The following TTC27 variants were observed in gnomAD, a reference collection of about 807,000 sequenced individuals.
TTC27 encodes the protein tetratricopeptide repeat protein 27.
A neutral mutation model predicts 115.9 loss-of-function variants in TTC27; 79 were observed. That is an observed-to-expected ratio of 0.68 (90% CI 0.57 to 0.82). The LOEUF (loss-of-function observed/expected upper bound fraction) is 0.82, where lower values mean the gene tolerates loss of function less well. Ranked by LOEUF, TTC27 falls within the 40% of genes least tolerant of loss-of-function variation. The pLI is 0.00. For synonymous variants in TTC27, 401 were observed against 356.0 expected (o/e 1.13, Z -1.42); for missense variants, 1,054 against 993.1 (o/e 1.06, Z -0.82).
chr2:32,694,208 G>C (rs1666907719), intron 9 of TTC27, among the ~76,000 whole-genome samples: 1 of 152,162 alleles, frequency 6.6e-6, no homozygotes, highest in South Asian at 2.1e-4. Context: ...TGAATTATAA[G>C]AATTAACAAC....
intron 9 of TTC27, among the ~76,000 whole-genome samples, chr2:32,680,653 T>TAGGGA (rs1666385925): frequency 6.6e-6 from 1 of 152,044 alleles, no homozygotes; most frequent in African/African-American, 2.4e-5. Context: ...GGGACAAGTG[T>TAGGGA]CTAGGTGATG....
At chr2:32,693,400 G>C (rs1572521033) in intron 9 of TTC27, among the ~76,000 whole-genome samples, 1 of 152,344 alleles carries the variant, frequency 6.6e-6, no homozygotes, top group East Asian at 1.9e-4. Flanking sequence ...ACCCTGTTCA[G>C]TCAGAACCTT....
chr2:32,758,780 A>T (rs1289812258), intron 13 of TTC27, among the ~76,000 whole-genome samples: 1 of 152,160 alleles, frequency 6.6e-6, no homozygotes. Context: ...TCCTTAACTG[A>T]CATACAACTA....
chr2:32,739,711 T>A (rs1357753108), intron 12 of TTC27, among the ~76,000 whole-genome samples: 1 of 152,314 alleles, frequency 6.6e-6, no homozygotes, highest in South Asian at 2.1e-4. Flanking sequence ...CCTGTTTTTC[T>A]TATGCTATAT....
chr2:32,778,513 C>T (rs1348460172), intron 14 of TTC27, among the ~76,000 whole-genome samples: 1 of 152,190 alleles, frequency 6.6e-6, no homozygotes. Context: ...ACATCCTCCC[C>T]TTCAGCCCTA....
chr2:32,723,970 G>GTTTTTTTTTTTTTTTTTTTTTT (rs1668025651), intron 10 of TTC27, among the ~76,000 whole-genome samples: 9 of 66,280 alleles, frequency 1.4e-4, no homozygotes, highest in Non-Finnish European at 1.5e-4. Context: ...GCATACATAA[G>GTTTTTTTTTTTTTTTTTTTTTT]CTTTTTTTTT....
chr2:32,679,758 C>T (rs1666351084), intron 9 of TTC27, among the ~76,000 whole-genome samples: 1 of 152,020 alleles, frequency 6.6e-6, no homozygotes, highest in Non-Finnish European at 1.5e-5. Context: ...TTTGAGAGGC[C>T]GAGGCAGGTG....
chr2:32,648,457 T>TA (rs1320414405), intron 4 of TTC27, among the ~76,000 whole-genome samples: 2 of 81,522 alleles, frequency 2.5e-5, no homozygotes, highest in Non-Finnish European at 5.2e-5. Flanking sequence ...TTTTTTTTTT[T>TA]AAAACAGACT....
chr2:32,698,456 A>AT (rs1553552669), intron 9 of TTC27, among the ~76,000 whole-genome samples: 1 of 146,450 alleles, frequency 6.8e-6, no homozygotes, highest in African/African-American at 2.5e-5. Flanking sequence ...TATTATTATT[A>AT]TTTTTTAGCA....
At chr2:32,669,011 G>A (rs769254725) in intron 7 of TTC27, among the ~76,000 whole-genome samples, 41 of 152,126 alleles carry the variant, frequency 2.7e-4, no homozygotes, top group Admixed American at 6.5e-4. Flanking sequence ...CCCGGGAGGC[G>A]GAGCTTGCAG....
At chr2:32,704,817 G>T (rs574511118) in intron 10 of TTC27, 1 of 466,326 alleles carries the variant, frequency 2.1e-6, no homozygotes, top group East Asian at 7.0e-5. Context: ...ATAGAATTTT[G>T]GCTGTCATAT....
chr2:32,641,306 G>T (rs1252817610), intron 4 of TTC27, among the ~76,000 whole-genome samples: 1 of 152,154 alleles, frequency 6.6e-6, no homozygotes, highest in East Asian at 1.9e-4. Context: ...TCTGTGTTGC[G>T]CTATTCAACT....
At chr2:32,644,857 C>T (rs1395069476) in intron 4 of TTC27, among the ~76,000 whole-genome samples, 11 of 62,846 alleles carry the variant, frequency 1.8e-4, no homozygotes, top group Admixed American at 6.5e-4. Flanking sequence ...TTCTTCTTTT[C>T]TTCCTTCCTT....
At chr2:32,682,844 GTTGTTTTTTTTTTTTTTTTTTTT>G (rs1666484325) in intron 9 of TTC27, among the ~76,000 whole-genome samples, 1 of 56,990 alleles carries the variant, frequency 1.8e-5, no homozygotes. Flanking sequence ...AATTTTTATT[GTTGTTTTTTTTTTTTTTTTTTTT>G]TTTGAGACAG....
Position 32,728,506 on chromosome 2 carries a change from C to T in TTC27, c.1234-5322C>T, listed in dbSNP as rs575552675. ...AGCATCTCCTTGATCAGGCCACACC[C>T]TGTCTCCCATATTTTTGGATTTATG... On this transcript the variant is annotated intron_variant, in intron 10 of 19. Coordinates refer to ENST00000317907, the MANE Select transcript of TTC27 (RefSeq NM_017735.5). Among the ~76,000 whole-genome samples, 4 of 152,324 alleles carry T rather than the reference C, an allele frequency of 2.6e-5. No homozygotes were observed. The Middle Eastern group carries it at 0.014, about 518-fold the overall frequency.
At chr2:32,724,853 A>G (rs948518620) in intron 10 of TTC27, among the ~76,000 whole-genome samples, 6 of 152,206 alleles carry the variant, frequency 3.9e-5, no homozygotes, top group Admixed American at 2.6e-4. Flanking sequence ...CATAGCCAAG[A>G]CTGGGTAATT....
intron 10 of TTC27, among the ~76,000 whole-genome samples, chr2:32,727,473 C>G (rs1668149664): frequency 6.6e-6 from 1 of 152,100 alleles, no homozygotes; most frequent in Non-Finnish European, 1.5e-5. Flanking sequence ...TACAAATAAC[C>G]TTTAAGAAAC....
intron 4 of TTC27, among the ~76,000 whole-genome samples, chr2:32,646,973 T>C (rs1664889033): frequency 1.3e-5 from 2 of 151,324 alleles, no homozygotes; most frequent in Non-Finnish European, 2.9e-5. Flanking sequence ...TTTTTGTTTG[T>C]TTTTTGTTTT....
intron 9 of TTC27, among the ~76,000 whole-genome samples, chr2:32,683,515 A>AAT (rs1666516368): frequency 6.6e-6 from 1 of 152,190 alleles, no homozygotes; most frequent in South Asian, 2.1e-4. Context: ...AGCAGGTTGA[A>AAT]ATATATATGA....
Sources: allele counts gnomAD v4.1 joint callset (sites outside exome capture counted in the v4.1 genomes callset), GRCh38; gene constraint gnomAD v4.1.1; transcripts MANE v1.5; gene names NCBI Gene and HGNC (gene_info 2026-07-23, HGNC 2026-07-21).